The following TBC1D19 variants were observed in gnomAD, a reference collection of about 807,000 sequenced individuals.
TBC1D19 encodes the protein TBC1 domain family, member 19.
In TBC1D19, 60 loss-of-function variants were observed where a neutral mutation model predicts 89.0. That is an observed-to-expected ratio of 0.67 (90% CI 0.55 to 0.84). The LOEUF (loss-of-function observed/expected upper bound fraction) is 0.84. Ranked by LOEUF, TBC1D19 falls within the 40% of genes least tolerant of loss-of-function variation. TBC1D19 has a pLI of 0.00. For synonymous variants in TBC1D19, 189 were observed against 199.7 expected, an observed-to-expected ratio of 0.95 and a Z score of 0.45; for missense variants, 500 against 610.8, an observed-to-expected ratio of 0.82 and a Z score of 1.91.
At chr4:26,846,512 G>T in the TBC1D19 span, among the ~76,000 whole-genome samples, 1 of 151,970 alleles carries the variant, frequency 6.6e-6, no homozygotes, top group Non-Finnish European at 1.5e-5. Context: ...TTGTCAAATG[G>T]ATTGCACATA....
intron 1 of TBC1D19, among the ~76,000 whole-genome samples, chr4:26,599,289 A>T (rs1459034148): frequency 1.3e-5 from 2 of 152,216 alleles, no homozygotes; most frequent in Non-Finnish European, 2.9e-5. Context: ...TATACTTTTA[A>T]ACAACTGGTG....
chr4:26,843,535 A>G, the TBC1D19 span, among the ~76,000 whole-genome samples: 1 of 151,682 alleles, frequency 6.6e-6, no homozygotes, highest in Admixed American at 6.6e-5. Flanking sequence ...TTTTATCAAC[A>G]GTAAATATGA....
intron 13 of TBC1D19, among the ~76,000 whole-genome samples, chr4:26,714,434 C>T (rs1716438870): frequency 6.6e-6 from 1 of 151,952 alleles, no homozygotes; most frequent in Non-Finnish European, 1.5e-5. Flanking sequence ...AGAACTAAAC[C>T]CAATGACCAA....
the TBC1D19 span, among the ~76,000 whole-genome samples, chr4:26,816,322 A>C: frequency 6.6e-6 from 1 of 152,176 alleles, no homozygotes; most frequent in East Asian, 1.9e-4. Flanking sequence ...AAACCTACGA[A>C]GATTCTGCAC....
chr4:26,673,644 G>A, intron 10 of TBC1D19, 132 bp from the exon 11 acceptor site: 2 of 670,302 alleles, frequency 3.0e-6, no homozygotes, highest in Admixed American at 2.5e-5. Flanking sequence ...ATTTTAAAAG[G>A]TAAAGATACG....
chr4:26,796,541 T>C, the TBC1D19 span, among the ~76,000 whole-genome samples: 1 of 151,906 alleles, frequency 6.6e-6, no homozygotes, highest in Non-Finnish European at 1.5e-5. Context: ...TGGGAAAAAA[T>C]AGAGAATCCT....
At chr4:26,703,292 T>A (rs903529877) in intron 13 of TBC1D19, among the ~76,000 whole-genome samples, 29 of 152,240 alleles carry the variant, frequency 1.9e-4, no homozygotes, top group African/African-American at 6.3e-4. Flanking sequence ...TAGAAATTTA[T>A]TTTAACTAAT....
the TBC1D19 span, among the ~76,000 whole-genome samples, chr4:26,847,808 G>T: frequency 2.0e-5 from 3 of 152,212 alleles, no homozygotes; most frequent in Non-Finnish European, 4.4e-5. Flanking sequence ...AAGGTGGTAA[G>T]AAAAGATCAG....
intron 7 of TBC1D19, among the ~76,000 whole-genome samples, chr4:26,649,396 A>G (rs1279059950): frequency 6.6e-6 from 1 of 152,156 alleles, no homozygotes; most frequent in Non-Finnish European, 1.5e-5. Flanking sequence ...AATTTCAGCC[A>G]TTTAAAATAT....
At chr4:26,709,298 T>C (rs910087133) in intron 13 of TBC1D19, among the ~76,000 whole-genome samples, 1 of 152,062 alleles carries the variant, frequency 6.6e-6, no homozygotes, top group Non-Finnish European at 1.5e-5. Flanking sequence ...ACAGTTGTTT[T>C]TGAATGACCT....
chr4:26,750,409 A>T, intron 19 of TBC1D19, among the ~76,000 whole-genome samples: 1 of 152,216 alleles, frequency 6.6e-6, no homozygotes, highest in Non-Finnish European at 1.5e-5. Context: ...ACTTTCAAAA[A>T]GTAGAATGGG....
intron 11 of TBC1D19, among the ~76,000 whole-genome samples, chr4:26,680,079 G>T (rs544402661): frequency 9.9e-5 from 15 of 152,202 alleles, no homozygotes; most frequent in African/African-American, 3.1e-4. Context: ...TTCCCCCTTT[G>T]CTGGGCACTC....
At chr4:26,772,101 CAT>C in the TBC1D19 span, among the ~76,000 whole-genome samples, 1 of 148,946 alleles carries the variant, frequency 6.7e-6, no homozygotes, top group Admixed American at 6.7e-5. Context: ...GTGAATTTGA[CAT>C]AAGGTAGTTT....
chr4:26,830,008 G>A, the TBC1D19 span, among the ~76,000 whole-genome samples: 1 of 152,158 alleles, frequency 6.6e-6, no homozygotes, highest in Non-Finnish European at 1.5e-5. Context: ...GGAGCCATCA[G>A]GAGCTGGATT....
chr4:26,711,709 T>C (rs940800991), intron 13 of TBC1D19, among the ~76,000 whole-genome samples: 3 of 152,090 alleles, frequency 2.0e-5, no homozygotes, highest in African/African-American at 7.2e-5. Context: ...ACTTAATTGG[T>C]AATTAATCCA....
At chr4:26,746,428 A>G (rs1452203164) in intron 18 of TBC1D19, among the ~76,000 whole-genome samples, 2 of 149,978 alleles carry the variant, frequency 1.3e-5, no homozygotes, top group African/African-American at 4.9e-5. Context: ...CTACTGATCT[A>G]TAGTCAAATT....
intron 4 of TBC1D19, 36 bp from the exon 5 acceptor site, chr4:26,637,175 A>T: frequency 1.4e-6 from 2 of 1,419,390 alleles, no homozygotes; most frequent in Non-Finnish European, 2.0e-6. Flanking sequence ...TAGTATTGTT[A>T]CTGGAAAAGA....
At chr4:26,831,066 C>A in the TBC1D19 span, among the ~76,000 whole-genome samples, 1 of 152,130 alleles carries the variant, frequency 6.6e-6, no homozygotes, top group Admixed American at 6.5e-5. Flanking sequence ...TGGACATACA[C>A]GCAGACACAA....
At chr4:26,636,488 T>TAAAAAAAA in intron 4 of TBC1D19, among the ~76,000 whole-genome samples, 1 of 130,986 alleles carries the variant, frequency 7.6e-6, no homozygotes, top group Non-Finnish European at 1.6e-5. Flanking sequence ...GTCAGTATCA[T>TAAAAAAAA]AAAAAAAAAA....
Sources: gnomAD v4.1 joint callset for allele counts (sites outside exome capture counted in the v4.1 genomes callset) on GRCh38, gnomAD v4.1.1 for gene constraint, MANE v1.5 for transcripts, NCBI Gene and HGNC (gene_info 2026-07-23, HGNC 2026-07-21) for gene names.